WDFY4: variants seen among roughly 807,000 people sequenced by gnomAD.
WDFY4 encodes WDFY family member 4.
A neutral mutation model predicts 351.9 loss-of-function variants in WDFY4; 169 were observed. That is an observed-to-expected ratio of 0.48 (90% CI 0.42 to 0.55). WDFY4 has a LOEUF of 0.55. Ranked by LOEUF, WDFY4 falls within the 20% of genes least tolerant of loss-of-function variation. The pLI, the probability that WDFY4 is intolerant of heterozygous loss-of-function variation, is 0.00. For synonymous variants in WDFY4, 1,622 were observed against 1,574.6 expected (o/e 1.03, Z -0.71); for missense variants, 3,803 against 3,935.6 (o/e 0.97, Z 0.90).
At chr10:48,819,187 G>A (rs1396250108) in intron 32 of WDFY4, among the ~76,000 whole-genome samples, 2 of 152,184 alleles carry the variant, frequency 1.3e-5, no homozygotes, top group Admixed American at 6.5e-5. Context: ...GGCGAGGTCG[G>A]GCTTTTGTCT....
At chr10:48,787,079 G>T (rs183959958) in intron 20 of WDFY4, among the ~76,000 whole-genome samples, 1 of 152,314 alleles carries the variant, frequency 6.6e-6, no homozygotes, top group African/African-American at 2.4e-5. Flanking sequence ...CAACTCCAAA[G>T]CCCTAATGGG....
intron 41 of WDFY4, 135 bp downstream of exon 41, chr10:48,873,832 A>T: frequency 1.0e-6 from 1 of 967,100 alleles, no homozygotes; most frequent in Non-Finnish European, 1.5e-6. Context: ...GAGAGTCCCA[A>T]AATTTATTCT....
intron 12 of WDFY4, among the ~76,000 whole-genome samples, chr10:48,749,480 A>G (rs1279420647): frequency 6.6e-6 from 1 of 152,058 alleles, no homozygotes; most frequent in Admixed American, 6.6e-5. Context: ...CATACCACCT[A>G]CATATGCTAC....
intron 57 of WDFY4, among the ~76,000 whole-genome samples, chr10:48,972,512 A>T (rs1364144848): frequency 6.6e-6 from 1 of 152,230 alleles, no homozygotes; most frequent in Admixed American, 6.5e-5. Context: ...TTTACATTTC[A>T]ATCGTTCCAT....
At chr10:48,926,491 CA>C (rs1262820873) in intron 47 of WDFY4, among the ~76,000 whole-genome samples, 1 of 152,200 alleles carries the variant, frequency 6.6e-6, no homozygotes, top group Admixed American at 6.5e-5. Flanking sequence ...GACAGAGAGG[CA>C]GCCTTAGCCA....
At chr10:48,911,604 A>G (rs1193928327) in intron 47 of WDFY4, among the ~76,000 whole-genome samples, 1 of 152,232 alleles carries the variant, frequency 6.6e-6, no homozygotes, top group African/African-American at 2.4e-5. Context: ...TATTAATACC[A>G]GGTAACAGCA....
intron 39 of WDFY4, among the ~76,000 whole-genome samples, chr10:48,865,518 G>A (rs1238387284): frequency 1.3e-5 from 2 of 152,166 alleles, no homozygotes; most frequent in East Asian, 3.9e-4. Context: ...ATATTGGTCT[G>A]TAGTTCTCTA....
rs1056821692 is a variant in WDFY4 at position 48,709,996 on chromosome 10, G to T, written c.234+30G>T. On this transcript the variant is annotated intron_variant, in intron 2 of 61. Coordinates refer to ENST00000325239, the MANE Select transcript of WDFY4 (RefSeq NM_001394531.1). Reference sequence around the variant, plus strand: ...GTGTTCTTATTTTTGAAACTGTAAGGTGATAGGCGCTCTGGGACACTTCTG... The same window carrying T: ...GTGTTCTTATTTTTGAAACTGTAAGTTGATAGGCGCTCTGGGACACTTCTG... 6 of 1,523,788 alleles carry T rather than the reference G, an allele frequency of 3.9e-6. No homozygotes were observed. The Admixed American group carries it at 1.2e-4, about 31-fold the overall frequency. 94.4% of individuals were successfully genotyped at this position (1,523,788 alleles called of 1,614,324 possible).
In WDFY4 at chr10:48,760,314, G is replaced by A. The variant is rs755819863; in HGVS notation, c.2460-33G>A. On this transcript the variant is annotated intron_variant, in intron 12 of 61. Coordinates refer to ENST00000325239, the MANE Select transcript of WDFY4 (RefSeq NM_001394531.1). ...AAAATAGAAAGAAACTGGAAGGTCC[G>A]TGTCTCATGTCTGGCTCTCCCTCTC... The A allele has an allele frequency of 9.6e-5, 148 of 1,538,616 alleles. 1 individual carries two copies. In the South Asian group the frequency reaches 1.3e-3, roughly 14 times the overall value.
At chr10:48,698,076 C>A (rs1050979344) in intron 1 of WDFY4, among the ~76,000 whole-genome samples, 1 of 152,158 alleles carries the variant, frequency 6.6e-6, no homozygotes, top group African/African-American at 2.4e-5. Flanking sequence ...CATTACAGAG[C>A]CTCTCCTGTG....
chr10:48,708,343 T>C (rs1433960846), intron 1 of WDFY4, among the ~76,000 whole-genome samples: 1 of 152,146 alleles, frequency 6.6e-6, no homozygotes, highest in Admixed American at 6.5e-5. Context: ...AAGGAATGTG[T>C]GTTTGGGCTA....
intron 13 of WDFY4, among the ~76,000 whole-genome samples, chr10:48,771,870 G>A (rs1225989928): frequency 6.6e-6 from 1 of 152,198 alleles, no homozygotes. Flanking sequence ...GAAGCAGGGA[G>A]GACTCCAAGA....
intron 2 of WDFY4, among the ~76,000 whole-genome samples, chr10:48,712,274 A>T (rs1484086038): frequency 6.6e-6 from 1 of 152,246 alleles, no homozygotes; most frequent in Non-Finnish European, 1.5e-5. Context: ...TGAGGGTAAG[A>T]CAAGACAATG....
chr10:48,979,290 T>C (rs1414925681), intron 60 of WDFY4, among the ~76,000 whole-genome samples: 1 of 152,216 alleles, frequency 6.6e-6, no homozygotes, highest in Non-Finnish European at 1.5e-5. Context: ...CAGAAGTGTG[T>C]GCATTCTAAG....
At chr10:48,954,242 C>A (rs933133042) in intron 51 of WDFY4, among the ~76,000 whole-genome samples, 1 of 152,188 alleles carries the variant, frequency 6.6e-6, no homozygotes, top group Non-Finnish European at 1.5e-5. Context: ...CAACTGTAAC[C>A]TTTTGCCTCA....
intron 14 of WDFY4, among the ~76,000 whole-genome samples, chr10:48,775,205 CGT>C (rs1555003945): frequency 6.6e-6 from 1 of 152,092 alleles, no homozygotes; most frequent in Non-Finnish European, 1.5e-5. Flanking sequence ...AGGGAGCAGA[CGT>C]GGAAGACAAG....
At chr10:48,767,234 T>A (rs1305384618) in intron 13 of WDFY4, among the ~76,000 whole-genome samples, 2 of 152,198 alleles carry the variant, frequency 1.3e-5, no homozygotes, top group Non-Finnish European at 2.9e-5. Context: ...GGTGTGATGA[T>A]ATTTTCCCAT....
chr10:48,743,984 G>A (rs1285677597), intron 12 of WDFY4, among the ~76,000 whole-genome samples: 3 of 152,116 alleles, frequency 2.0e-5, no homozygotes, highest in African/African-American at 7.2e-5. Flanking sequence ...AAACCACAGT[G>A]TCCACCCCAA....
chr10:48,852,265 C>G (rs1298726875), intron 39 of WDFY4, among the ~76,000 whole-genome samples: 1 of 152,178 alleles, frequency 6.6e-6, no homozygotes, highest in Non-Finnish European at 1.5e-5. Flanking sequence ...TGACAGAGTC[C>G]AAAGACTGAT....
Sources: allele counts gnomAD v4.1 joint callset (sites outside exome capture counted in the v4.1 genomes callset), GRCh38; gene constraint gnomAD v4.1.1; transcripts MANE v1.5; gene names NCBI Gene and HGNC (gene_info 2026-07-23, HGNC 2026-07-21).